Variants in RAB38 observed in about 807,000 individuals in gnomAD.
RAB38 encodes the protein RAB38, member RAS oncogene family.
In RAB38, 15 loss-of-function variants were observed where a neutral mutation model predicts 18.4. The observed-to-expected ratio is 0.82, with a 90% confidence interval of 0.55 to 1.26. The LOEUF (loss-of-function observed/expected upper bound fraction) is 1.26, where lower values mean the gene tolerates loss of function less well. Among genes scored for constraint, RAB38 ranks in the 50% most tolerant of loss-of-function variants. RAB38 has a pLI of 0.00. For missense variants in RAB38, 294 were observed against 267.4 expected (o/e 1.10, Z -0.69); for synonymous variants, 101 against 104.4 (o/e 0.97, Z 0.20).
intron 1 of RAB38, among the ~76,000 whole-genome samples, chr11:88,160,669 T>C (rs1171331782): frequency 2.6e-5 from 4 of 152,140 alleles, no homozygotes; most frequent in South Asian, 4.1e-4. Flanking sequence ...AATAAAATCA[T>C]ATCCTTTGCA....
chr11:88,030,333 G>C, the RAB38 span, among the ~76,000 whole-genome samples: 2 of 152,018 alleles, frequency 1.3e-5, no homozygotes, highest in Non-Finnish European at 2.9e-5. Flanking sequence ...AAAAGCAAGA[G>C]CAAACACATT....
At chr11:87,943,123 C>A in the RAB38 span, among the ~76,000 whole-genome samples, 5 of 151,888 alleles carry the variant, frequency 3.3e-5, no homozygotes, top group African/African-American at 7.2e-5. Context: ...CCCATGGGAA[C>A]AGAATAAGAG....
the RAB38 span, among the ~76,000 whole-genome samples, chr11:88,063,772 C>T: frequency 2.5e-4 from 38 of 152,304 alleles, no homozygotes; most frequent in Admixed American, 1.3e-4. Context: ...TGCCTGCCAT[C>T]ATGTAAGATG....
At chr11:88,103,443 T>G in the RAB38 span, among the ~76,000 whole-genome samples, 71 of 152,186 alleles carry the variant, frequency 4.7e-4, 1 homozygote, top group Middle Eastern at 0.01. Context: ...CCTCTAATCT[T>G]ATATATTCTG....
the RAB38 span, among the ~76,000 whole-genome samples, chr11:87,914,769 G>A: frequency 6.6e-6 from 1 of 152,194 alleles, no homozygotes; most frequent in African/African-American, 2.4e-5. Context: ...CTGAGGGACT[G>A]CTGCCCTGCA....
At chr11:88,041,986 A>C in the RAB38 span, among the ~76,000 whole-genome samples, 2 of 152,192 alleles carry the variant, frequency 1.3e-5, no homozygotes, top group African/African-American at 4.8e-5. Flanking sequence ...ACTAGACCCC[A>C]AAAATTAAAG....
At chr11:88,029,402 G>A in the RAB38 span, among the ~76,000 whole-genome samples, 55 of 151,778 alleles carry the variant, frequency 3.6e-4, no homozygotes, top group East Asian at 9.7e-3. Context: ...ATGTAAATGG[G>A]CTAAATGCTC....
intron 2 of RAB38, among the ~76,000 whole-genome samples, chr11:88,149,176 C>G (rs1943031041): frequency 6.6e-6 from 1 of 152,008 alleles, no homozygotes; most frequent in Non-Finnish European, 1.5e-5. Context: ...TGCTTGCTGT[C>G]TATTCTCTGT....
At chr11:88,007,370 A>G in the RAB38 span, among the ~76,000 whole-genome samples, 2 of 142,996 alleles carry the variant, frequency 1.4e-5, no homozygotes, top group African/African-American at 5.2e-5. Context: ...ACATATACTT[A>G]TATTTGAAAG....
the RAB38 span, among the ~76,000 whole-genome samples, chr11:88,050,571 T>C: frequency 6.6e-6 from 1 of 152,252 alleles, no homozygotes. Flanking sequence ...AAGCTAATTT[T>C]ATTTTTAAGG....
At chr11:88,018,819 G>A in the RAB38 span, among the ~76,000 whole-genome samples, 8 of 151,978 alleles carry the variant, frequency 5.3e-5, no homozygotes, top group Admixed American at 5.2e-4. Context: ...TTTTTAAATT[G>A]TTATTGTTTA....
the RAB38 span, among the ~76,000 whole-genome samples, chr11:87,891,496 T>C: frequency 6.6e-6 from 1 of 151,812 alleles, no homozygotes; most frequent in Non-Finnish European, 1.5e-5. Context: ...TGGGTTTTGC[T>C]CTTTCCTCCA....
chr11:88,030,248 C>A, the RAB38 span, among the ~76,000 whole-genome samples: 5 of 152,110 alleles, frequency 3.3e-5, no homozygotes, highest in African/African-American at 1.2e-4. Flanking sequence ...GAGAAATTTA[C>A]AGCACTAAAT....
the RAB38 span, among the ~76,000 whole-genome samples, chr11:87,830,638 C>T: frequency 2.6e-5 from 4 of 151,994 alleles, no homozygotes; most frequent in African/African-American, 9.7e-5. Flanking sequence ...ATATATTATA[C>T]ATTGTACACT....
chr11:87,975,428 C>T, the RAB38 span, among the ~76,000 whole-genome samples: 4 of 151,888 alleles, frequency 2.6e-5, no homozygotes, highest in African/African-American at 4.8e-5. Context: ...ACTTGTACTA[C>T]GAGAAATAAG....
At position 88,149,757 on chromosome 11, in the gene RAB38, T is replaced by C; in HGVS notation, c.401A>G (p.Asp134Gly). Residue 134 changes from aspartate to glycine, a missense_variant, in exon 2 of 3, where the codon GAT (aspartate) becomes GGT (glycine). By Grantham distance (94) the Asp-to-Gly change is moderately conservative (BLOSUM62 -1). Transcript: ENST00000243662. ...CTTGAGGCCATTGTTCATGAGCACA[T>C]CCTTCCCCTGGTCACATTTGTTGGC... ...LLANKCDQGK[D>G]VLMNNGLKMD... The C allele has an allele frequency of 1.2e-6, 2 of 1,614,138 alleles. No homozygotes were observed. Among genetic ancestry groups the C allele is most frequent in the African/African-American group, 1.3e-5 (1 of 75,040 alleles).
At chr11:88,072,776 A>G in the RAB38 span, among the ~76,000 whole-genome samples, 1 of 152,136 alleles carries the variant, frequency 6.6e-6, no homozygotes, top group African/African-American at 2.4e-5. Flanking sequence ...TATTTAAATC[A>G]GTAACGTATG....
At chr11:88,018,824 TG>T in the RAB38 span, among the ~76,000 whole-genome samples, 1 of 152,224 alleles carries the variant, frequency 6.6e-6, no homozygotes, top group Non-Finnish European at 1.5e-5. Context: ...AAATTGTTAT[TG>T]TTTATTTAAA....
the RAB38 span, among the ~76,000 whole-genome samples, chr11:87,897,312 T>C: frequency 0.025 from 3,805 of 151,622 alleles, 146 homozygotes; most frequent in African/African-American, 0.083. Flanking sequence ...ATTTGAAAAA[T>C]TGTAAATATT....
Sources: allele counts gnomAD v4.1 joint callset (sites outside exome capture counted in the v4.1 genomes callset), GRCh38; gene constraint gnomAD v4.1.1; transcripts MANE v1.5; gene names NCBI Gene and HGNC (gene_info 2026-07-23, HGNC 2026-07-21).